Variants in GFPT1 observed in about 807,000 individuals in gnomAD.
The protein encoded by GFPT1 is glutamine--fructose-6-phosphate transaminase 1, also known as glutamine--fructose-6-phosphate aminotransferase [isomerizing] 1.
GFPT1 carries 40 observed loss-of-function variants against 92.0 expected under a neutral mutation model. The observed-to-expected ratio is 0.43, with a 90% CI of 0.34 to 0.57. GFPT1 has a LOEUF of 0.57. GFPT1 is among the 20% of genes least tolerant of loss of function. The probability of loss-of-function intolerance (pLI) is 0.02; values close to 1 mark genes in which losing one functional copy is unlikely to be tolerated. For missense variants in GFPT1, 448 were observed against 869.1 expected (o/e 0.52, Z 6.09); for synonymous variants, 269 against 280.6 (o/e 0.96, Z 0.41).
chr2:69,326,351 AC>A, intron 19 of GFPT1, 118 bp from the exon 20 acceptor site: 1 of 689,894 alleles, frequency 1.4e-6, no homozygotes, highest in Non-Finnish European at 2.6e-6. Context: ...ACATTCATTA[AC>A]CATCTTTATT....
chr2:69,338,082 C>G (rs1356131864), intron 14 of GFPT1, 27 bp from the exon 15 acceptor site: 1 of 1,609,808 alleles, frequency 6.2e-7, no homozygotes, highest in Non-Finnish European at 8.5e-7. Context: ...CCAACCATAA[C>G]ACACAGAACA....
At chr2:69,362,081 C>T (rs986827931) in intron 4 of GFPT1, among the ~76,000 whole-genome samples, 2 of 152,008 alleles carry the variant, frequency 1.3e-5, no homozygotes, top group Admixed American at 6.6e-5. Flanking sequence ...AAAGAACAGA[C>T]TCAATAATTG....
chr2:69,343,085 C>T (rs1670990286), intron 12 of GFPT1, among the ~76,000 whole-genome samples: 1 of 152,200 alleles, frequency 6.6e-6, no homozygotes, highest in Admixed American at 6.5e-5. Flanking sequence ...TAAAGACCCT[C>T]CAATGAAGTC....
Position 69,329,393 on chromosome 2 carries a change from G to A in GFPT1, c.1629C>T (p.Asp543=), listed in dbSNP as rs369055649. Residue 543 remains aspartate, a synonymous_variant, in exon 17 of 20, where the codon GAC becomes GAT. Coordinates refer to ENST00000357308, the MANE Select transcript of GFPT1 (RefSeq NM_001244710.2). Reference sequence around the variant, plus strand: ...GTTCTGTTGCTAGTTTCTGAATTTCGTCATCCATGCTCAGTACTTCCTTAA... The same window carrying A: ...GTTCTGTTGCTAGTTTCTGAATTTCATCATCCATGCTCAGTACTTCCTTAA... The part of the protein sequence containing the change: ...DLIKEVLSMD[D]EIQKLATELY... The A allele has an allele frequency of 4.5e-5, 73 of 1,610,044 alleles. No homozygotes were observed. In the African/African-American group the frequency reaches 6.1e-4, roughly 14 times the overall value.
At chr2:69,360,925 G>C (rs1231386869) in intron 4 of GFPT1, among the ~76,000 whole-genome samples, 1 of 151,864 alleles carries the variant, frequency 6.6e-6, no homozygotes. Context: ...AATAGAGACG[G>C]GGTTTTGCCA....
At chr2:69,333,985 G>T (rs764740514) in intron 15 of GFPT1, among the ~76,000 whole-genome samples, 2 of 152,114 alleles carry the variant, frequency 1.3e-5, no homozygotes, top group Non-Finnish European at 2.9e-5. Context: ...GTGACACCCA[G>T]TCTCTACTAA....
At chr2:69,351,593 C>T (rs531431111) in intron 9 of GFPT1, among the ~76,000 whole-genome samples, 5 of 152,264 alleles carry the variant, frequency 3.3e-5, no homozygotes, top group African/African-American at 1.2e-4. Flanking sequence ...ATATACACCA[C>T]ATAAACATAT....
At chr2:69,368,193 T>C (rs1372059643) in intron 3 of GFPT1, among the ~76,000 whole-genome samples, 1 of 152,166 alleles carries the variant, frequency 6.6e-6, no homozygotes, top group Non-Finnish European at 1.5e-5. Context: ...CTATCCTGGC[T>C]AACATGGTGA....
Position 69,348,176 on chromosome 2 carries a change from A to G in GFPT1, c.1004T>C (p.Met335Thr). 1 of 1,613,260 alleles carries G rather than the reference A, an allele frequency of 6.2e-7. No individual in the cohort carries two copies. ...AACATGACAAAAACTTTCACCCTTCATGATCTGCTGGAGTTCCATCTGGAG... is the reference window on the plus strand; with the variant it reads ...AACATGACAAAAACTTTCACCCTTCGTGATCTGCTGGAGTTCCATCTGGAG... ...QTLQMELQQIMKGNFSSFMQK... is the reference protein window; with the variant it reads ...QTLQMELQQITKGNFSSFMQK... The change falls in exon 11 of 20, where the codon ATG becomes ACG. Residue 335 changes from methionine (M) to threonine (T), a missense_variant. Physicochemically the swap from Met to Thr is moderately conservative, Grantham distance 81. This residue lies in a region of GFPT1 where 121 missense variants were observed against 304.3 expected (regional missense o/e 0.40). Transcript: ENST00000357308.
At chr2:69,380,010 C>T (rs539811274) in intron 1 of GFPT1, among the ~76,000 whole-genome samples, 2 of 152,068 alleles carry the variant, frequency 1.3e-5, no homozygotes, top group South Asian at 2.1e-4. Flanking sequence ...TGAGCCAATG[C>T]ATCCAGCCAA....
chr2:69,326,306 G>A, intron 19 of GFPT1, 73 bp from the exon 20 acceptor site: 2 of 905,504 alleles, frequency 2.2e-6, no homozygotes, highest in Non-Finnish European at 3.5e-6. Flanking sequence ...GTTACTATAA[G>A]CAAATTATTT....
chr2:69,328,452 A>C lies in GFPT1; in HGVS notation c.1726-14T>G. Reference sequence around the variant, plus strand: ...TTCTTTGATTTTCTAATAGGAAAGAACCAGATTTGTCTTCAATCCACTTTT... The same window carrying C: ...TTCTTTGATTTTCTAATAGGAAAGACCCAGATTTGTCTTCAATCCACTTTT... On this transcript the variant is annotated splice_polypyrimidine_tract_variant and intron_variant, in intron 17 of 19. Coordinates refer to ENST00000357308, the MANE Select transcript of GFPT1 (RefSeq NM_001244710.2). 6.3e-7 allele frequency: 1 copy of C among 1,597,668 alleles called. No homozygotes were observed. Among genetic ancestry groups the C allele is most frequent in the South Asian group, 1.1e-5 (1 of 90,716 alleles).
At chr2:69,386,608 C>T (rs569576312) in intron 1 of GFPT1, among the ~76,000 whole-genome samples, 1 of 152,258 alleles carries the variant, frequency 6.6e-6, no homozygotes, top group South Asian at 2.1e-4. Context: ...TATTGGGCCT[C>T]CCCAGAAACA....
At chr2:69,345,543 A>G (rs1671062532) in intron 12 of GFPT1, among the ~76,000 whole-genome samples, 1 of 152,206 alleles carries the variant, frequency 6.6e-6, no homozygotes, top group Non-Finnish European at 1.5e-5. Context: ...TAAATGTACA[A>G]TTCAGTGGCA....
At chr2:69,327,259 G>A (rs1379676082) in intron 18 of GFPT1, among the ~76,000 whole-genome samples, 184 bp from the exon 19 acceptor site, 1 of 152,162 alleles carries the variant, frequency 6.6e-6, no homozygotes, top group African/African-American at 2.4e-5. Flanking sequence ...AGCGTTATGG[G>A]ATCCAGTAAT....
At chr2:69,369,123 G>C (rs1381687321) in intron 3 of GFPT1, among the ~76,000 whole-genome samples, 1 of 152,150 alleles carries the variant, frequency 6.6e-6, no homozygotes, top group African/African-American at 2.4e-5. Flanking sequence ...TACTGTTTTT[G>C]AAGTATAGTT....
At chr2:69,367,165 T>C (rs562181408) in intron 3 of GFPT1, among the ~76,000 whole-genome samples, 2 of 152,344 alleles carry the variant, frequency 1.3e-5, no homozygotes, top group South Asian at 2.1e-4. Context: ...TTACTATTCA[T>C]GCCTTTTAAA....
intron 15 of GFPT1, among the ~76,000 whole-genome samples, chr2:69,334,356 C>T (rs1268997666): frequency 6.6e-6 from 1 of 151,916 alleles, no homozygotes; most frequent in Non-Finnish European, 1.5e-5. Flanking sequence ...GCCATACTTA[C>T]TCAATTTTTT....
At position 69,320,402 on chromosome 2, in the gene GFPT1, A is replaced by T. The variant is rs1670377288; in HGVS notation, c.*5787T>A. 6.6e-6 allele frequency: 1 copy of T among 152,192 alleles called. No individual in the cohort carries two copies. The highest frequency in any genetic ancestry group is 1.5e-5 in the Non-Finnish European group (1 of 68,042). 9.4% of individuals were successfully genotyped at this position (152,192 alleles called of 1,614,324 possible). On this transcript the variant is annotated 3_prime_UTR_variant, in exon 20 of 20. Coordinates refer to ENST00000357308, the MANE Select transcript of GFPT1 (RefSeq NM_001244710.2). ...GCAATTTTCCTTCCAAGACCTCCCTATACTTATCTCCATTTCAAAATATAC... is the reference window on the plus strand; with the variant it reads ...GCAATTTTCCTTCCAAGACCTCCCTTTACTTATCTCCATTTCAAAATATAC...
Sources: gnomAD v4.1 joint callset for allele counts (sites outside exome capture counted in the v4.1 genomes callset) on GRCh38, gnomAD v4.1.1 for gene constraint, gnomAD v4.1.1 regional missense constraint, MANE v1.5 for transcripts, NCBI Gene and HGNC (gene_info 2026-07-23, HGNC 2026-07-21) for gene names.